IFI35: variants seen among roughly 807,000 people sequenced by gnomAD.
IFI35 encodes interferon-induced 35 kDa protein.
A neutral mutation model predicts 28.6 loss-of-function variants in IFI35; 30 were observed. That is an observed-to-expected ratio of 1.05 (90% CI 0.79 to 1.43). The LOEUF is 1.43. Among genes scored for constraint, IFI35 ranks in the 40% most tolerant of loss-of-function variants. IFI35 has a pLI of 0.00. For synonymous variants in IFI35, 146 were observed against 154.8 expected (o/e 0.94, Z 0.42); for missense variants, 372 against 356.9 (o/e 1.04, Z -0.34).
intron 1 of IFI35, among the ~76,000 whole-genome samples, chr17:43,011,322 C>A (rs1405154035): frequency 6.6e-6 from 1 of 152,078 alleles, no homozygotes; most frequent in Non-Finnish European, 1.5e-5. Flanking sequence ...AGTTTGAGAC[C>A]AACCTGGCCA....
rs764579489 is a variant in IFI35 at position 43,014,244 on chromosome 17, C to G, written c.806C>G (p.Thr269Arg). ...GGGGGCGGGGAGGTAGAGGCCCTGACAGTCGTACCCCAAGGACAGCAGGGC... is the reference window on the plus strand; with the variant it reads ...GGGGGCGGGGAGGTAGAGGCCCTGAGAGTCGTACCCCAAGGACAGCAGGGC... ...TRGGGEVEAL[T>R]VVPQGQQGLA... The change falls in exon 7 of 7, where the codon ACA becomes AGA. Residue 269 changes from threonine (T) to arginine (R), a missense_variant. Transcript: ENST00000415816. The G allele has an allele frequency of 1.2e-6, 2 of 1,608,802 alleles. No homozygotes were observed. The highest frequency in any genetic ancestry group is 1.3e-5 in the African/African-American group (1 of 74,972).
Position 43,014,352 on chromosome 17 carries a change from C to T in IFI35, c.*53C>T. ...CCCCCGCCAAGGTTCTCACACTGGCCTGGGCTTGGGTGCCCATATAGGAGG... is the reference window on the plus strand; with the variant it reads ...CCCCCGCCAAGGTTCTCACACTGGCTTGGGCTTGGGTGCCCATATAGGAGG... On this transcript the variant is annotated 3_prime_UTR_variant, in exon 7 of 7. Coordinates refer to ENST00000415816, the MANE Select transcript of IFI35 (RefSeq NM_001330230.2). 1 of 1,384,286 alleles carries T rather than the reference C, an allele frequency of 7.2e-7. No individual in the cohort carries two copies. Among genetic ancestry groups the T allele is most frequent in the East Asian group, 2.4e-5 (1 of 41,732 alleles). The allele number at this position is 1,384,286 out of a possible 1,614,324, so 85.8% of individuals were successfully genotyped here.
At chr17:43,014,040 G>C in intron 6 of IFI35, 68 bp from the exon 7 acceptor site, 1 of 1,500,658 alleles carries the variant, frequency 6.7e-7, no homozygotes, top group East Asian at 2.3e-5. Context: ...ATGGGGCACT[G>C]CCTGCCCTAC....
chr17:43,010,317 C>T (rs1301511238), intron 1 of IFI35, among the ~76,000 whole-genome samples: 1 of 151,720 alleles, frequency 6.6e-6, no homozygotes, highest in Non-Finnish European at 1.5e-5. Flanking sequence ...TGATTGATTC[C>T]AGGAGGTCGA....
At chr17:43,009,081 C>T (rs2050435095) in intron 1 of IFI35, among the ~76,000 whole-genome samples, 1 of 152,070 alleles carries the variant, frequency 6.6e-6, no homozygotes, top group South Asian at 2.1e-4. Context: ...CTGCAGCCAC[C>T]TCCACCTCTA....
At position 43,012,278 on chromosome 17, in the gene IFI35, G is replaced by A; in HGVS notation, c.120+1G>A. ...GCTCGGGGACTCCCCCAAAGACAAG[G>A]TAAGGTGGGAGATCTGGTGTTGTTT... On this transcript the variant is annotated splice_donor_variant, in intron 2 of 6. Transcript: ENST00000415816. LOFTEE classifies it high-confidence loss of function. The A allele has an allele frequency of 6.4e-7, 1 of 1,563,198 alleles. No individual in the cohort carries two copies. The highest frequency in any genetic ancestry group is 8.7e-7 in the Non-Finnish European group (1 of 1,152,722).
chr17:43,013,301 G>A lies in IFI35; in HGVS notation c.303G>A (p.Thr101=), dbSNP rs768170062. The change falls in exon 4 of 7, where the codon ACG becomes ACA. Residue 101 remains threonine, a synonymous_variant. Coordinates refer to ENST00000415816, the MANE Select transcript of IFI35 (RefSeq NM_001330230.2). The part of the protein sequence containing the change: ...AEQVLQQKEH[T]INMEECRLRV... ...AGGTGCTGCAACAAAAGGAGCACAC[G>A]ATCAACATGGAGGAGTGCCGGCTGC... 3.1e-6 allele frequency: 5 copies of A among 1,614,128 alleles called. No homozygotes were observed. The highest frequency in any genetic ancestry group is 1.7e-5 in the Admixed American group (1 of 60,014).
chr17:43,014,068 T>C, intron 6 of IFI35, 40 bp from the exon 7 acceptor site: 4 of 1,597,862 alleles, frequency 2.5e-6, no homozygotes, highest in Non-Finnish European at 3.4e-6. Context: ...CCCCAGCCCT[T>C]CTCCCATGAG....
chr17:43,008,343 CTTTTT>C (rs34285823), intron 1 of IFI35, among the ~76,000 whole-genome samples: 6 of 89,402 alleles, frequency 6.7e-5, no homozygotes, highest in Admixed American at 1.2e-4. Context: ...CTTTTCTTTC[CTTTTT>C]TTTTTTTTTT....
intron 1 of IFI35, among the ~76,000 whole-genome samples, chr17:43,011,795 C>T (rs971437204): frequency 6.6e-6 from 1 of 152,190 alleles, no homozygotes; most frequent in Non-Finnish European, 1.5e-5. Context: ...CTGCCCTTCA[C>T]AGTCAGTCAT....
At chr17:43,012,394 C>T in intron 2 of IFI35, 117 bp downstream of exon 2, 1 of 625,980 alleles carries the variant, frequency 1.6e-6, no homozygotes, top group East Asian at 3.1e-5. Context: ...CACCTCAGGT[C>T]AGGAGTTTGA....
intron 1 of IFI35, among the ~76,000 whole-genome samples, chr17:43,010,227 T>C (rs1279817576): frequency 7.0e-6 from 1 of 143,676 alleles, no homozygotes; most frequent in Non-Finnish European, 1.5e-5. Context: ...AGGGTGAGAC[T>C]CCGTCCCAAA....
At chr17:43,007,872 T>TATATATATATAC (rs1491453151) in intron 1 of IFI35, among the ~76,000 whole-genome samples, 6 of 136,602 alleles carry the variant, frequency 4.4e-5, no homozygotes, top group African/African-American at 1.6e-4. Flanking sequence ...TATATATATA[T>TATATATATATAC]ACTATAAGAA....
chr17:43,013,100 G>A lies in IFI35; in HGVS notation c.174G>A (p.Gln58=). The A allele has an allele frequency of 1.2e-6, 2 of 1,614,070 alleles. No homozygotes were observed. Among genetic ancestry groups the A allele is most frequent in the South Asian group, 2.2e-5 (2 of 91,072 alleles). ...TGGTATTCCGAGGACACACCCAGCAGGACCCGGAAGTGCCTAAGTCTTTAG... is the reference window on the plus strand; with the variant it reads ...TGGTATTCCGAGGACACACCCAGCAAGACCCGGAAGTGCCTAAGTCTTTAG... ...IPLVFRGHTQ[Q]DPEVPKSLVS... is the part of the protein sequence containing the mutation. Residue 58 remains glutamine (Q), a synonymous_variant, in exon 3 of 7, where the codon CAG becomes CAA. Transcript: ENST00000415816.
rs1294115089 is a variant in IFI35, at chr17:43,013,294, A to T, written c.296A>T (p.Glu99Val). 1 of 1,614,130 alleles carries T rather than the reference A, an allele frequency of 6.2e-7. No individual in the cohort carries two copies. The highest frequency in any genetic ancestry group is 8.5e-7 in the Non-Finnish European group (1 of 1,180,022). Residue 99 changes from glutamate to valine, a missense_variant, in exon 4 of 7, where the codon GAG becomes GTG. Transcript: ENST00000415816. The stretch of plus-strand genomic sequence containing the variant: ...GCTGAGCAGGTGCTGCAACAAAAGG[A>T]GCACACGATCAACATGGAGGAGTGC... ...KVAEQVLQQK[E>V]HTINMEECRL...
chr17:43,013,569 A>ATCT lies in IFI35; in HGVS notation c.474_476dup (p.Phe159dup). The ATCT allele has an allele frequency of 6.2e-7, 1 of 1,614,092 alleles. No homozygotes were observed. The highest frequency in any genetic ancestry group is 8.5e-7 in the Non-Finnish European group (1 of 1,180,014). ...GGAGGAGCTGCTGGACAAGCTAGAG[A>ATCT]TCTTCTTTGGCAAGACTAGGAACGG... On this transcript the variant is annotated inframe_insertion, in exon 5 of 7. Transcript: ENST00000415816.
rs374089652 is a variant in IFI35 at position 43,014,233 on chromosome 17, A to G, written c.795A>G (p.Val265=). 36 of 1,611,912 alleles carry G rather than the reference A, an allele frequency of 2.2e-5. No individual in the cohort carries two copies. The African/African-American group carries it at 4.5e-4, about 20-fold the overall frequency. The part of the protein sequence containing the change: ...FQKPTRGGGE[V]EALTVVPQGQ... ...AGCCCACCCGCGGGGGCGGGGAGGT[A>G]GAGGCCCTGACAGTCGTACCCCAAG... Residue 265 remains valine (V), a synonymous_variant, in exon 7 of 7, where the codon GTA becomes GTG. Coordinates refer to ENST00000415816, the MANE Select transcript of IFI35 (RefSeq NM_001330230.2).
At chr17:43,007,847 T>TTATA (rs68028192) in intron 1 of IFI35, among the ~76,000 whole-genome samples, 6,245 of 118,962 alleles carry the variant, frequency 0.052, 451 homozygotes, top group East Asian at 0.16. Flanking sequence ...CACACAAAAT[T>TTATA]TATATATATA....
intron 2 of IFI35, chr17:43,012,846 A>G: frequency 1.6e-6 from 1 of 606,854 alleles, no homozygotes; most frequent in Non-Finnish European, 2.9e-6. Context: ...AAGTAGAGCT[A>G]CCCACCTCCC....
Sources: gnomAD v4.1 joint callset for allele counts (sites outside exome capture counted in the v4.1 genomes callset) on GRCh38, gnomAD v4.1.1 for gene constraint, MANE v1.5 for transcripts, NCBI Gene and HGNC (gene_info 2026-07-23, HGNC 2026-07-21) for gene names.